Variants in FAM83G observed in about 807,000 individuals in gnomAD.
FAM83G encodes protein FAM83G.
Under a neutral mutation model 61.5 loss-of-function variants are expected in FAM83G, and 38 were observed. The observed-to-expected ratio is 0.62, with a 90% CI of 0.48 to 0.81. The LOEUF (loss-of-function observed/expected upper bound fraction) is 0.81. FAM83G is among the 30% of genes least tolerant of loss of function. FAM83G has a pLI of 0.00. For synonymous variants in FAM83G, 470 were observed against 476.1 expected (o/e 0.99, Z 0.17); for missense variants, 989 against 1,133.6 (o/e 0.87, Z 1.83).
chr17:18,983,621 T>C (rs952836983), intron 3 of FAM83G, among the ~76,000 whole-genome samples: 2 of 152,088 alleles, frequency 1.3e-5, no homozygotes, highest in Admixed American at 6.5e-5. Flanking sequence ...GAGCCCAACA[T>C]AGCAGCAGGA....
intron 2 of FAM83G, among the ~76,000 whole-genome samples, chr17:18,992,552 G>C (rs1230407976): frequency 6.6e-6 from 1 of 152,230 alleles, no homozygotes; most frequent in Non-Finnish European, 1.5e-5. Flanking sequence ...AGGTCACAGA[G>C]GCAGGGAGCA....
rs1190483018 is a variant in FAM83G at position 18,969,582 on chromosome 17, C to T, written c.*1777G>A. The T allele has an allele frequency of 8.2e-6, 5 of 612,600 alleles. No homozygotes were observed. Among genetic ancestry groups the T allele is most frequent in the Non-Finnish European group, 1.4e-5 (5 of 358,172 alleles). 37.9% of individuals were successfully genotyped at this position (612,600 alleles called of 1,614,324 possible). A position where few individuals can be genotyped will look rare whatever the true frequency, so the allele number is the denominator to read the frequency against. ...AGGTTGAGCCACTAGGCAGTCAGCC[C>T]CCCTGCTGGCCCCTCAGGGACTGCC... is the stretch of plus-strand genomic sequence containing the variant. On this transcript the variant is annotated 3_prime_UTR_variant, in exon 6 of 6. Coordinates refer to ENST00000388995, the MANE Select transcript of FAM83G (RefSeq NM_001039999.3).
intron 5 of FAM83G, 41 bp downstream of exon 5, chr17:18,977,543 G>A: frequency 6.4e-7 from 1 of 1,572,296 alleles, no homozygotes; most frequent in South Asian, 1.2e-5. Context: ...GGCTGGCAGG[G>A]AGGGACTCGT....
chr17:18,998,990 G>A (rs931869132), intron 2 of FAM83G, among the ~76,000 whole-genome samples: 3 of 152,206 alleles, frequency 2.0e-5, no homozygotes, highest in African/African-American at 7.2e-5. Context: ...TCATGAAAAC[G>A]CTTTTACTGC....
intron 3 of FAM83G, among the ~76,000 whole-genome samples, chr17:18,983,315 G>A (rs531539093): frequency 3.9e-5 from 6 of 152,252 alleles, no homozygotes; most frequent in Non-Finnish European, 8.8e-5. Flanking sequence ...GAGGCCCAGA[G>A]AGGTGGAACC....
In FAM83G at chr17:18,971,241, C is replaced by T. The variant is rs2152001712; in HGVS notation, c.*118G>A. 5.6e-6 allele frequency: 9 copies of T among 1,612,792 alleles called. No individual in the cohort carries two copies. The highest frequency in any genetic ancestry group is 8.5e-7 in the Non-Finnish European group (1 of 1,179,152). ...CAGGTGAGTGCCAACGTCTCCCGCC[C>T]ATCCCACCTTCCTGCCGTCCCAGTG... is the stretch of plus-strand genomic sequence containing the variant. On this transcript the variant is annotated 3_prime_UTR_variant, in exon 6 of 6. Coordinates refer to ENST00000388995, the MANE Select transcript of FAM83G (RefSeq NM_001039999.3). This position sits in a 1 kb window ranked among gnomAD's most constrained non-coding sequence, Gnocchi z 5.5.
At chr17:18,995,678 C>T (rs193199693) in intron 2 of FAM83G, among the ~76,000 whole-genome samples, 111 of 152,202 alleles carry the variant, frequency 7.3e-4, no homozygotes, top group African/African-American at 2.3e-3. Flanking sequence ...GAGGCAGAGG[C>T]GGGTGGATCA....
chr17:18,971,296 C>T lies in FAM83G; in HGVS notation c.*63G>A. 2 of 1,608,658 alleles carry T rather than the reference C, an allele frequency of 1.2e-6. No homozygotes were observed. The highest frequency in any genetic ancestry group is 2.2e-5 in the South Asian group (2 of 90,786). On this transcript the variant is annotated 3_prime_UTR_variant, in exon 6 of 6. Coordinates refer to ENST00000388995, the MANE Select transcript of FAM83G (RefSeq NM_001039999.3). This position sits in a 1 kb window ranked among gnomAD's most constrained non-coding sequence, Gnocchi z 5.5. ...CTGGTAGGCCCAGGCGGCCTGTCTG[C>T]CCTCCGCGTCATGAGTCTGGGCTGG...
chr17:18,969,350 G>A lies in FAM83G; in HGVS notation c.*2009C>T. The stretch of plus-strand genomic sequence containing the variant: ...CTTGCTTCCACTGGCAGGGGGCCTG[G>A]CTGCTGTAATCTACACGGACGCCCT... On this transcript the variant is annotated 3_prime_UTR_variant, in exon 6 of 6. Coordinates refer to ENST00000388995, the MANE Select transcript of FAM83G (RefSeq NM_001039999.3). The A allele has an allele frequency of 6.2e-7, 1 of 1,613,382 alleles. No individual in the cohort carries two copies. The highest frequency in any genetic ancestry group is 8.5e-7 in the Non-Finnish European group (1 of 1,179,974).
chr17:18,977,806 G>A lies in FAM83G; in HGVS notation c.1860C>T (p.Phe620=), dbSNP rs779496696. ...SVASSVSEEY[F]EVREHSVPLR... Reference sequence around the variant, plus strand: ...GAGGGACTGAGTGCTCTCTCACCTCGAAGTACTCCTCTGACACAGAGGAAG... The same window carrying A: ...GAGGGACTGAGTGCTCTCTCACCTCAAAGTACTCCTCTGACACAGAGGAAG... The change falls in exon 5 of 6, where the codon TTC becomes TTT. Residue 620 remains phenylalanine, a synonymous_variant. Coordinates refer to ENST00000388995, the MANE Select transcript of FAM83G (RefSeq NM_001039999.3). 9 of 1,604,818 alleles carry A rather than the reference G, an allele frequency of 5.6e-6. No individual in the cohort carries two copies. Among genetic ancestry groups the A allele is most frequent in the African/African-American group, 4.0e-5 (3 of 74,780 alleles).
At chr17:18,974,452 T>C (rs1418163013) in intron 5 of FAM83G, among the ~76,000 whole-genome samples, 2 of 152,240 alleles carry the variant, frequency 1.3e-5, no homozygotes, top group Non-Finnish European at 1.5e-5. Flanking sequence ...TGCCCCTCCC[T>C]GGGCCTTGGT....
At position 18,982,623 on chromosome 17, in the gene FAM83G, C is replaced by T. The variant is rs181537314; in HGVS notation, c.691-2950G>A. Among the ~76,000 whole-genome samples, 407 of 152,252 alleles carry T rather than the reference C, an allele frequency of 2.7e-3. 1 individual carries two copies. Among genetic ancestry groups the T allele is most frequent in the African/African-American group, 9.1e-3 (380 of 41,560 alleles). On this transcript the variant is annotated intron_variant, in intron 3 of 5. Transcript: ENST00000388995. ...CGGGTGGTGCTTCATCTGCTCTCAG[C>T]GGGTGGCAAGGCAAGGTGGGGGCTC... is the stretch of plus-strand genomic sequence containing the variant.
chr17:18,969,701 C>T lies in FAM83G; in HGVS notation c.*1658G>A, dbSNP rs929135208. ...TCAGGAACTCAGGGCCAGCCACACCCGCATTGGCTCAGCGCTTGATGGTGA... is the reference window on the plus strand; with the variant it reads ...TCAGGAACTCAGGGCCAGCCACACCTGCATTGGCTCAGCGCTTGATGGTGA... On this transcript the variant is annotated 3_prime_UTR_variant, in exon 6 of 6. Transcript: ENST00000388995. 3.5e-5 allele frequency: 14 copies of T among 398,324 alleles called. No individual in the cohort carries two copies. The highest frequency in any genetic ancestry group is 2.9e-4 in the Admixed American group (7 of 24,070). 24.7% of individuals were successfully genotyped at this position (398,324 alleles called of 1,614,324 possible). A position where few individuals can be genotyped will look rare whatever the true frequency, so the allele number is the denominator to read the frequency against.
At position 18,978,114 on chromosome 17, in the gene FAM83G, G is replaced by C. The variant is rs761408785; in HGVS notation, c.1552C>G (p.Arg518Gly). The C allele has an allele frequency of 6.6e-7, 1 of 1,517,304 alleles. No individual in the cohort carries two copies. The highest frequency in any genetic ancestry group is 8.8e-7 in the Non-Finnish European group (1 of 1,137,242). 94.0% of individuals were successfully genotyped at this position (1,517,304 alleles called of 1,614,324 possible). ...RTVPVADVLA[R>G]DSSDIGWVLE... ...ACCCAGCCAATATCACTGCTGTCCC[G>C]GGCTAGTACATCTGCCACAGGGACT... The change falls in exon 5 of 6, where the codon CGG (arginine) becomes GGG (glycine). Residue 518 changes from arginine to glycine, a missense_variant. Physicochemically the swap from Arg to Gly is moderately radical, Grantham distance 125. Around this residue, in one of 3 missense-constraint regions of FAM83G, gnomAD observed 574 missense variants for 645.1 expected, o/e 0.89. Transcript: ENST00000388995.
Position 18,969,059 on chromosome 17 carries a change from T to C in FAM83G, c.*2300A>G, listed in dbSNP as rs775806535. ...GGCTCTCTCCCTCCGCAGCTGGACCTGTACGCGGGGGCTCTGTTTGTGCAC... is the reference window on the plus strand; with the variant it reads ...GGCTCTCTCCCTCCGCAGCTGGACCCGTACGCGGGGGCTCTGTTTGTGCAC... On this transcript the variant is annotated 3_prime_UTR_variant, in exon 6 of 6. Transcript: ENST00000388995. The C allele has an allele frequency of 6.2e-7, 1 of 1,613,392 alleles. No homozygotes were observed. Among genetic ancestry groups the C allele is most frequent in the Non-Finnish European group, 8.5e-7 (1 of 1,179,682 alleles).
Position 18,971,883 on chromosome 17 carries a change from C to T in FAM83G, c.2083-135G>A. 1.1e-6 allele frequency: 1 copy of T among 901,748 alleles called. No homozygotes were observed. The highest frequency in any genetic ancestry group is 1.6e-6 in the Non-Finnish European group (1 of 611,880). The allele number at this position is 901,748 out of a possible 1,614,324, so 55.9% of individuals were successfully genotyped here. ...GCTCTGCCATTCACCAGGGAGTGGG[C>T]CTAGACCAGTTGGTTTAGTCACTCG... On this transcript the variant is annotated intron_variant, in intron 5 of 5. Transcript: ENST00000388995. The surrounding 1 kb of genome is among the most constrained non-coding windows in gnomAD (Gnocchi z 5.5).
intron 2 of FAM83G, among the ~76,000 whole-genome samples, chr17:18,990,903 A>G (rs1263739873): frequency 6.6e-6 from 1 of 152,186 alleles, no homozygotes; most frequent in African/African-American, 2.4e-5. Context: ...TATAGACAGG[A>G]AAGCTGGGAT....
chr17:18,974,077 G>C (rs1344042460), intron 5 of FAM83G, among the ~76,000 whole-genome samples: 10 of 152,046 alleles, frequency 6.6e-5, no homozygotes, highest in Admixed American at 2.0e-4. Flanking sequence ...ATTTTTAATA[G>C]AGACGGGGTT....
upstream of FAM83G, among the ~76,000 whole-genome samples, chr17:19,005,107 G>C (rs74916426): frequency 6.6e-6 from 1 of 152,214 alleles, no homozygotes; most frequent in Non-Finnish European, 1.5e-5. Flanking sequence ...GTGGCGGGAA[G>C]TCCGTGCGGC....
Sources: gnomAD v4.1 joint callset for allele counts (sites outside exome capture counted in the v4.1 genomes callset) on GRCh38, gnomAD v4.1.1 for gene constraint, gnomAD v4.1.1 regional missense constraint, Gnocchi (gnomAD v3.1) non-coding constraint, MANE v1.5 for transcripts, NCBI Gene and HGNC (gene_info 2026-07-23, HGNC 2026-07-21) for gene names.